BTAF1: variants seen among roughly 807,000 people sequenced by gnomAD.
BTAF1 encodes B-TFIID TATA-box binding protein associated factor 1, also known as TATA-binding protein-associated factor 172.
Under a neutral mutation model 227.1 loss-of-function variants are expected in BTAF1, and 38 were observed. That is an observed-to-expected ratio of 0.17 (90% CI 0.13 to 0.22). The LOEUF (loss-of-function observed/expected upper bound fraction) is 0.22, where lower values mean the gene tolerates loss of function less well. Ranked by LOEUF, BTAF1 falls within the 10% of genes least tolerant of loss-of-function variation. BTAF1 has a pLI of 1.00. For missense variants in BTAF1, 1,598 were observed against 2,204.0 expected, an observed-to-expected ratio of 0.73 and a Z score of 5.51; for synonymous variants, 742 against 751.9, an observed-to-expected ratio of 0.99 and a Z score of 0.21.
At chr10:91,934,661 G>A (rs940610261) in intron 1 of BTAF1, among the ~76,000 whole-genome samples, 1 of 152,026 alleles carries the variant, frequency 6.6e-6, no homozygotes, top group African/African-American at 2.4e-5. Flanking sequence ...AGGTCTCCAC[G>A]GTAGGGTTCC....
chr10:91,991,261 T>TATAA (rs1589896444), intron 20 of BTAF1, among the ~76,000 whole-genome samples: 1 of 74,770 alleles, frequency 1.3e-5, no homozygotes, highest in East Asian at 3.8e-4. Context: ...AATATATAAA[T>TATAA]ATAAATATAA....
intron 25 of BTAF1, among the ~76,000 whole-genome samples, chr10:92,001,345 G>A (rs547929479): frequency 6.6e-6 from 1 of 152,176 alleles, no homozygotes; most frequent in Non-Finnish European, 1.5e-5. Flanking sequence ...TCATCTGCAT[G>A]TACTGTGACA....
At chr10:92,026,435 T>C (rs1851523211) in intron 35 of BTAF1, among the ~76,000 whole-genome samples, 157 bp from the exon 36 acceptor site, 1 of 152,248 alleles carries the variant, frequency 6.6e-6, no homozygotes, top group East Asian at 1.9e-4. Context: ...AAAAACGTTA[T>C]ACATATTGAG....
intron 33 of BTAF1, among the ~76,000 whole-genome samples, chr10:92,016,765 A>T (rs1326884038): frequency 1.3e-5 from 2 of 152,132 alleles, no homozygotes; most frequent in African/African-American, 4.8e-5. Flanking sequence ...ATGAGCCACC[A>T]CGTCTGGCCC....
At chr10:92,006,291 G>A (rs1849877056) in intron 25 of BTAF1, among the ~76,000 whole-genome samples, 1 of 152,188 alleles carries the variant, frequency 6.6e-6, no homozygotes, top group Non-Finnish European at 1.5e-5. Context: ...TCAAATAATT[G>A]TGGATATTAT....
At chr10:92,013,444 G>A (rs1006340110) in intron 30 of BTAF1, among the ~76,000 whole-genome samples, 4 of 152,118 alleles carry the variant, frequency 2.6e-5, no homozygotes, top group African/African-American at 7.2e-5. Context: ...GCTTATTCTA[G>A]GGAAGGAGAC....
intron 8 of BTAF1, among the ~76,000 whole-genome samples, chr10:91,958,764 A>T (rs1239273378): frequency 6.6e-6 from 1 of 152,204 alleles, no homozygotes; most frequent in Non-Finnish European, 1.5e-5. Flanking sequence ...CTTGCTGTGG[A>T]TAGTGCTGAA....
rs78480526 is a variant in BTAF1 at position 91,969,769 on chromosome 10, A to G, written c.1650+3012A>G. 2.0e-3 allele frequency among the ~76,000 whole-genome samples: 303 copies of G among 152,180 alleles called. 1 individual carries two copies. The highest frequency in any genetic ancestry group is 7.0e-3 in the African/African-American group (290 of 41,528). On this transcript the variant is annotated intron_variant, in intron 14 of 37. Transcript: ENST00000265990. ...ACTTCAGGCCAGGAGTTCCAGACCA[A>G]CGTGGGCAACATGGTGAAACCCTGT...
Position 91,948,862 on chromosome 10 carries a change from C to T in BTAF1, c.401-2541C>T, listed in dbSNP as rs937265407. Among the ~76,000 whole-genome samples, 50 of 152,148 alleles carry T rather than the reference C, an allele frequency of 3.3e-4. 1 individual carries two copies. The highest frequency in any genetic ancestry group is 2.5e-3 in the Admixed American group (38 of 15,284). On this transcript the variant is annotated intron_variant, in intron 4 of 37. Coordinates refer to ENST00000265990, the MANE Select transcript of BTAF1 (RefSeq NM_003972.3). ...CTGGGCTGAAGCAATCCTCCTGCCT[C>T]GGCCTCCCAGACGGTTGGGATTACA...
intron 14 of BTAF1, among the ~76,000 whole-genome samples, chr10:91,975,209 C>T (rs1482147073): frequency 6.6e-6 from 1 of 152,088 alleles, no homozygotes; most frequent in Non-Finnish European, 1.5e-5. Flanking sequence ...TTTCAGTTAC[C>T]AATACATTAA....
At position 91,984,372 on chromosome 10, in the gene BTAF1, A is replaced by G; in HGVS notation, c.2395A>G (p.Asn799Asp). 6.2e-7 allele frequency: 1 copy of G among 1,612,248 alleles called. No homozygotes were observed. The highest frequency in any genetic ancestry group is 1.1e-5 in the South Asian group (1 of 90,890). ...TGAAGTTGGTAATCGAGTAAACAACAATGTTTTAACAATAGATCAAGCTAG... is the reference window on the plus strand; with the variant it reads ...TGAAGTTGGTAATCGAGTAAACAACGATGTTTTAACAATAGATCAAGCTAG... The part of the protein sequence containing the change: ...HIEVGNRVNN[N>D]VLTIDQASDL... The change falls in exon 19 of 38, where the codon AAT becomes GAT. Residue 799 changes from asparagine (N) to aspartate (D), a missense_variant. Asn to Asp is a conservative substitution (Grantham distance 23, BLOSUM62 1). Transcript: ENST00000265990.
At chr10:91,963,877 A>G (rs1043225229) in intron 12 of BTAF1, among the ~76,000 whole-genome samples, 200 bp from the exon 13 acceptor site, 5 of 152,174 alleles carry the variant, frequency 3.3e-5, no homozygotes, top group African/African-American at 1.2e-4. Flanking sequence ...GTAGAGTTGA[A>G]TGGCATTAAA....
At chr10:91,966,247 A>T (rs1846903530) in intron 13 of BTAF1, among the ~76,000 whole-genome samples, 1 of 152,182 alleles carries the variant, frequency 6.6e-6, no homozygotes, top group Non-Finnish European at 1.5e-5. Flanking sequence ...GGGGTTAGCC[A>T]TGGGGAAGAA....
intron 19 of BTAF1, 34 bp downstream of exon 19, chr10:91,984,438 A>G (rs1177180869): frequency 6.6e-7 from 1 of 1,526,014 alleles, no homozygotes; most frequent in Non-Finnish European, 8.9e-7. Context: ...AATTAGAGAT[A>G]GAACATGAAA....
At chr10:91,952,087 C>A (rs960802211) in intron 5 of BTAF1, among the ~76,000 whole-genome samples, 1 of 151,094 alleles carries the variant, frequency 6.6e-6, no homozygotes, top group Admixed American at 6.6e-5. Flanking sequence ...ACTTGTGCAT[C>A]ATTTCTGAAA....
chr10:91,996,201 G>A (rs1849136136), intron 23 of BTAF1, among the ~76,000 whole-genome samples, 168 bp from the exon 24 acceptor site: 1 of 152,062 alleles, frequency 6.6e-6, no homozygotes, highest in Admixed American at 6.6e-5. Flanking sequence ...ATTTGTATTT[G>A]GATTAGTTTT....
Position 91,935,805 on chromosome 10 carries a change from G to A in BTAF1, c.138+25G>A, listed in dbSNP as rs201293961. The A allele has an allele frequency of 1.6e-4, 244 of 1,568,970 alleles. 1 individual carries two copies. The highest frequency in any genetic ancestry group is 7.3e-4 in the Admixed American group (42 of 57,374). On this transcript the variant is annotated intron_variant, in intron 2 of 37. Transcript: ENST00000265990. ...AGTAAGAACTTTTTTTTTTCTTTTAGCATAATACAATTGTAGAGACTTATT... is the reference window on the plus strand; with the variant it reads ...AGTAAGAACTTTTTTTTTTCTTTTAACATAATACAATTGTAGAGACTTATT...
intron 14 of BTAF1, among the ~76,000 whole-genome samples, chr10:91,972,910 G>A (rs780462551): frequency 4.6e-4 from 70 of 152,066 alleles, no homozygotes; most frequent in Non-Finnish European, 8.1e-4. Context: ...GTATTGTATT[G>A]GAGATATTAT....
chr10:91,963,317 G>A (rs2133908054), intron 12 of BTAF1, among the ~76,000 whole-genome samples: 1 of 151,910 alleles, frequency 6.6e-6, no homozygotes, highest in African/African-American at 2.4e-5. Flanking sequence ...TACTCAGGAG[G>A]CTGAGGTAGG....
Sources: allele counts gnomAD v4.1 joint callset (sites outside exome capture counted in the v4.1 genomes callset), GRCh38; gene constraint gnomAD v4.1.1; transcripts MANE v1.5; gene names NCBI Gene and HGNC (gene_info 2026-07-23, HGNC 2026-07-21).